The following MDM4 variants were observed in gnomAD, a reference collection of about 807,000 sequenced individuals.
The protein encoded by MDM4 is MDM4 regulator of p53, also known as protein Mdm4.
Under a neutral mutation model 60.2 loss-of-function variants are expected in MDM4, and 2 were observed. The ratio of observed to expected loss-of-function variants is 0.03; its 90% CI spans 0.01 to 0.10. The LOEUF is 0.10. MDM4 is among the 10% of genes least tolerant of loss of function. MDM4 has a pLI of 1.00. For missense variants in MDM4, 447 were observed against 577.5 expected (o/e 0.77, Z 2.32); for synonymous variants, 202 against 198.1 (o/e 1.02, Z -0.17).
rs934330614 is a variant in MDM4 at position 204,529,321 on chromosome 1, C to T, written c.154-1363C>T. ...GATAAAGCCACTGTGATCAGAGTCA[C>T]CGACTGGAACCAGGAGTAGGCCTCA... is the stretch of plus-strand genomic sequence containing the variant. On this transcript the variant is annotated intron_variant, in intron 3 of 10. Transcript: ENST00000367182. 10 of 777,412 alleles carry T rather than the reference C, an allele frequency of 1.3e-5. No homozygotes were observed. In the African/African-American group the frequency reaches 1.5e-4, roughly 12 times the overall value. 48.2% of individuals were successfully genotyped at this position (777,412 alleles called of 1,614,324 possible). A position where few individuals can be genotyped will look rare whatever the true frequency, so the allele number is the denominator to read the frequency against.
At chr1:204,544,945 T>C (rs1043381712) in intron 9 of MDM4, among the ~76,000 whole-genome samples, 1 of 152,158 alleles carries the variant, frequency 6.6e-6, no homozygotes, top group Non-Finnish European at 1.5e-5. Context: ...CTCCCTTTGC[T>C]AACAAGGTAA....
chr1:204,517,630 G>C (rs1405655832), intron 1 of MDM4, among the ~76,000 whole-genome samples: 1 of 152,014 alleles, frequency 6.6e-6, no homozygotes, highest in African/African-American at 2.4e-5. Flanking sequence ...TCGAACTCCA[G>C]ACCTCAGGTG....
chr1:204,544,540 G>T lies in MDM4; in HGVS notation c.678G>T (p.Val226=). Residue 226 remains valine (V), a synonymous_variant, in exon 9 of 11, where the codon GTG becomes GTT. Coordinates refer to ENST00000367182, the MANE Select transcript of MDM4 (RefSeq NM_002393.5). ...GTTTGTTTTTTTTCTGTTAGGATGT[G>T]GGTACTGCCATTGTTTCAGATACTA... is the stretch of plus-strand genomic sequence containing the variant. ...GSTDLQTNQD[V]GTAIVSDTTD... is the part of the protein sequence containing the mutation. 6.2e-7 allele frequency: 1 copy of T among 1,605,886 alleles called. No individual in the cohort carries two copies. The highest frequency in any genetic ancestry group is 2.2e-5 in the East Asian group (1 of 44,650).
intron 3 of MDM4, among the ~76,000 whole-genome samples, chr1:204,527,992 G>A (rs1173505646): frequency 6.6e-6 from 1 of 150,824 alleles, no homozygotes; most frequent in Non-Finnish European, 1.5e-5. Flanking sequence ...TTACTTTTAC[G>A]ATTTTAAATT....
rs192065602 is a variant in MDM4 at position 204,539,782 on chromosome 1, C to A, written c.511+1474C>A. Among the ~76,000 whole-genome samples the A allele has an allele frequency of 6.0e-3, 916 of 151,990 alleles. 12 individuals carry two copies. Among genetic ancestry groups the A allele is most frequent in the African/African-American group, 0.021 (872 of 41,504 alleles). Reference sequence around the variant, plus strand: ...ATGTCATGACCTCGTGATCCACCCGCCTTGGCCTCCCAAAGTGCTGGGATT... The same window carrying A: ...ATGTCATGACCTCGTGATCCACCCGACTTGGCCTCCCAAAGTGCTGGGATT... On this transcript the variant is annotated intron_variant, in intron 7 of 10. Coordinates refer to ENST00000367182, the MANE Select transcript of MDM4 (RefSeq NM_002393.5).
intron 5 of MDM4, chr1:204,532,720 C>T (rs1443527384): frequency 6.3e-7 from 1 of 1,595,260 alleles, no homozygotes; most frequent in East Asian, 2.2e-5. Context: ...TGTCTTTAAT[C>T]TATAAAACTT....
intron 1 of MDM4, among the ~76,000 whole-genome samples, chr1:204,520,883 T>C (rs763879175): frequency 2.0e-5 from 3 of 151,964 alleles, no homozygotes; most frequent in Non-Finnish European, 4.4e-5. Context: ...CTCAAAAAAA[T>C]TATGAAAATA....
In MDM4 at chr1:204,552,872, CTTTT is replaced by C. The variant is rs71147703; in HGVS notation, c.*3203_*3206del. 6.7e-5 allele frequency: 9 copies of C among 133,950 alleles called. No homozygotes were observed. Among genetic ancestry groups the C allele is most frequent in the East Asian group, 1.6e-4 (1 of 6,152 alleles). 8.3% of individuals were successfully genotyped at this position (133,950 alleles called of 1,614,324 possible). ...AACTTTAAACTATTTCTTTTCTTTT[CTTTT>C]TTTTTTTTTTTTACTTGAGATGGAG... On this transcript the variant is annotated 3_prime_UTR_variant, in exon 11 of 11. Coordinates refer to ENST00000367182, the MANE Select transcript of MDM4 (RefSeq NM_002393.5).
intron 1 of MDM4, among the ~76,000 whole-genome samples, chr1:204,518,781 G>C (rs765087734): frequency 3.9e-5 from 6 of 152,104 alleles, no homozygotes; most frequent in Non-Finnish European, 8.8e-5. Context: ...TTCTTCTGCC[G>C]CAGCCACGCA....
chr1:204,519,111 G>T (rs1336939000), intron 1 of MDM4, among the ~76,000 whole-genome samples: 2 of 152,222 alleles, frequency 1.3e-5, no homozygotes, highest in Admixed American at 6.5e-5. Context: ...GATCAGGGTG[G>T]CTGAGGCTCA....
At chr1:204,517,235 C>T (rs1020088859) in intron 1 of MDM4, among the ~76,000 whole-genome samples, 5 of 150,294 alleles carry the variant, frequency 3.3e-5, no homozygotes, top group African/African-American at 1.2e-4. Flanking sequence ...GAGGGAGATT[C>T]CGTCTCAAAA....
chr1:204,529,592 C>A, intron 3 of MDM4: 1 of 1,345,028 alleles, frequency 7.4e-7, no homozygotes, highest in Admixed American at 2.5e-5. Flanking sequence ...TGCCATACTG[C>A]CCTCCACTAC....
Position 204,525,485 on chromosome 1 carries a change from TTTA to T in MDM4, c.-33_-31del. On this transcript the variant is annotated splice_region_variant and 5_prime_UTR_variant, in exon 2 of 11. Transcript: ENST00000367182. ...TTATAAATTTTTTTTTCTATTTAGT[TTTA>T]CCAACAGACTGCAGTTTCTTCACTA... The T allele has an allele frequency of 6.3e-7, 1 of 1,580,912 alleles. No homozygotes were observed.
At chr1:204,546,685 A>T (rs575153986) in intron 9 of MDM4, 112 bp from the exon 10 acceptor site, 1 of 673,154 alleles carries the variant, frequency 1.5e-6, no homozygotes, top group East Asian at 2.8e-5. Context: ...AGTGCTAGAG[A>T]TGGGAGAAGA....
At position 204,535,834 on chromosome 1, in the gene MDM4, C is replaced by T. The variant is rs373488439; in HGVS notation, c.344-1596C>T. 2.0e-4 allele frequency among the ~76,000 whole-genome samples: 30 copies of T among 152,238 alleles called. No individual in the cohort carries two copies. In the East Asian group the frequency reaches 4.6e-3, roughly 24 times the overall value. ...GGGATTACAGGCGTGAGCCACCACACCCGGCTAATTTTAAAACTTCTTTTT... is the reference window on the plus strand; with the variant it reads ...GGGATTACAGGCGTGAGCCACCACATCCGGCTAATTTTAAAACTTCTTTTT... On this transcript the variant is annotated intron_variant, in intron 5 of 10. Transcript: ENST00000367182.
At chr1:204,528,690 G>A (rs1251307489) in intron 3 of MDM4, among the ~76,000 whole-genome samples, 1 of 152,172 alleles carries the variant, frequency 6.6e-6, no homozygotes, top group African/African-American at 2.4e-5. Flanking sequence ...TGTGATGCAG[G>A]ACTCTCAACC....
At chr1:204,518,296 C>T (rs981890441) in intron 1 of MDM4, among the ~76,000 whole-genome samples, 2 of 152,208 alleles carry the variant, frequency 1.3e-5, no homozygotes, top group Admixed American at 1.3e-4. Context: ...GCTGGGACTA[C>T]AGGCACAGGC....
intron 7 of MDM4, among the ~76,000 whole-genome samples, chr1:204,539,668 C>G (rs770239655): frequency 1.4e-4 from 21 of 151,970 alleles, no homozygotes; most frequent in Non-Finnish European, 2.5e-4. Context: ...TCCTAAGTAG[C>G]TGGGATTACA....
rs1663193384 is a variant in MDM4 at position 204,551,459 on chromosome 1, CTCTTT to C, written c.*1779_*1783del. ...ATATACTGGATGGTTGAGAGGCAGC[CTCTTT>C]TTTTTTTTTTTTTTTTTTTTTTTTT... On this transcript the variant is annotated 3_prime_UTR_variant, in exon 11 of 11. Coordinates refer to ENST00000367182, the MANE Select transcript of MDM4 (RefSeq NM_002393.5). 2.2e-4 allele frequency: 33 copies of C among 151,844 alleles called. No individual in the cohort carries two copies. The highest frequency in any genetic ancestry group is 3.1e-4 in the South Asian group (1 of 3,246). 9.4% of individuals were successfully genotyped at this position (151,844 alleles called of 1,614,324 possible).
Sources: allele counts gnomAD v4.1 joint callset (sites outside exome capture counted in the v4.1 genomes callset), GRCh38; gene constraint gnomAD v4.1.1; transcripts MANE v1.5; gene names NCBI Gene and HGNC (gene_info 2026-07-23, HGNC 2026-07-21).